Variants in TMEM64 observed in about 807,000 individuals in gnomAD.
TMEM64 encodes transmembrane protein 64.
Under a neutral mutation model 24.5 loss-of-function variants are expected in TMEM64, and 19 were observed. The ratio of observed to expected loss-of-function variants is 0.78; its 90% CI spans 0.54 to 1.14. The LOEUF is 1.14. Among genes scored for constraint, TMEM64 ranks in the 50% most tolerant of loss-of-function variants. The pLI is 0.00. For synonymous variants in TMEM64, 262 were observed against 224.7 expected, an observed-to-expected ratio of 1.17 and a Z score of -1.49; for missense variants, 487 against 493.0, an observed-to-expected ratio of 0.99 and a Z score of 0.12.
Position 90,622,292 on chromosome 8 carries a change from A to G in TMEM64, c.*3379T>C, listed in dbSNP as rs1233225274. 6.6e-6 allele frequency: 1 copy of G among 152,218 alleles called. No homozygotes were observed. Among genetic ancestry groups the G allele is most frequent in the East Asian group, 1.9e-4 (1 of 5,192 alleles). 9.4% of individuals were successfully genotyped at this position (152,218 alleles called of 1,614,324 possible). A position where few individuals can be genotyped will look rare whatever the true frequency, so the allele number is the denominator to read the frequency against. On this transcript the variant is annotated 3_prime_UTR_variant, in exon 3 of 3. Coordinates refer to ENST00000458549, the MANE Select transcript of TMEM64 (RefSeq NM_001008495.4). ...TTTTCAGATTAAAGCAATGACTTTAAAAAGATTACATCCTAAATACTTGAT... is the reference window on the plus strand; with the variant it reads ...TTTTCAGATTAAAGCAATGACTTTAGAAAGATTACATCCTAAATACTTGAT...
At chr8:90,626,793 C>G (rs1163945766) in intron 2 of TMEM64, among the ~76,000 whole-genome samples, 1 of 151,894 alleles carries the variant, frequency 6.6e-6, no homozygotes, top group Non-Finnish European at 1.5e-5. Context: ...CCACGCCTGG[C>G]TAATTTTTGT....
intron 1 of TMEM64, among the ~76,000 whole-genome samples, chr8:90,633,732 T>G (rs1809474577): frequency 6.6e-6 from 1 of 152,198 alleles, no homozygotes; most frequent in South Asian, 2.1e-4. Context: ...GGAGTAAAAA[T>G]GATGTTTCAT....
intron 1 of TMEM64, among the ~76,000 whole-genome samples, chr8:90,639,903 A>G (rs1259582926): frequency 6.6e-6 from 1 of 152,226 alleles, no homozygotes; most frequent in East Asian, 1.9e-4. Flanking sequence ...GGGTTAATAA[A>G]ACATACTCTA....
In TMEM64 at chr8:90,631,719, G is replaced by A. The variant is rs769071016; in HGVS notation, c.796-12C>T. ...GAGAGATCAGTAATCTAGAAGAGTAGATTAAAGGGAATGATTCATTACCAA... is the reference window on the plus strand; with the variant it reads ...GAGAGATCAGTAATCTAGAAGAGTAAATTAAAGGGAATGATTCATTACCAA... On this transcript the variant is annotated splice_polypyrimidine_tract_variant and intron_variant, in intron 1 of 2. Transcript: ENST00000458549. The A allele has an allele frequency of 1.9e-6, 3 of 1,601,872 alleles. No homozygotes were observed. The South Asian group carries it at 3.3e-5, about 18-fold the overall frequency.
intron 1 of TMEM64, among the ~76,000 whole-genome samples, chr8:90,643,789 A>G (rs1416822685): frequency 6.6e-6 from 1 of 152,262 alleles, no homozygotes; most frequent in African/African-American, 2.4e-5. Context: ...GACTAAGACT[A>G]TACCAAACTA....
rs1343614388 is a variant in TMEM64, at chr8:90,645,682, G to T, written c.224C>A (p.Pro75Gln). The T allele has an allele frequency of 1.3e-5, 19 of 1,481,064 alleles. 1 individual carries two copies. Among genetic ancestry groups the T allele is most frequent in the South Asian group, 2.6e-5 (2 of 75,616 alleles). 91.7% of individuals were successfully genotyped at this position (1,481,064 alleles called of 1,614,324 possible). A position where few individuals can be genotyped will look rare whatever the true frequency, so the allele number is the denominator to read the frequency against. ...LLGAYLERHG[P>Q]PEASELPEPG... is the part of the protein sequence containing the mutation. Reference sequence around the variant, plus strand: ...CTCCGGCAGCTCCGAAGCCTCGGGCGGACCGTGGCGCTCCAGATAGGCGCC... The same window carrying T: ...CTCCGGCAGCTCCGAAGCCTCGGGCTGACCGTGGCGCTCCAGATAGGCGCC... The change falls in exon 1 of 3, where the codon CCG becomes CAG. Residue 75 changes from proline to glutamine, a missense_variant. By Grantham distance (76) the Pro-to-Gln change is moderately conservative. Transcript: ENST00000458549. This position sits in a 1 kb window ranked among gnomAD's most constrained non-coding sequence, Gnocchi z 4.2.
chr8:90,625,781 T>C lies in TMEM64; in HGVS notation c.1033A>G (p.Met345Val), dbSNP rs763527986. 1 of 1,614,028 alleles carries C rather than the reference T, an allele frequency of 6.2e-7. No homozygotes were observed. The highest frequency in any genetic ancestry group is 2.2e-5 in the East Asian group (1 of 44,848). ...ELNAAIVACE[M>V]ELKSSLVKGN... The stretch of plus-strand genomic sequence containing the variant: ...TTAACCAGAGAAGATTTCAGTTCCA[T>C]TTCACAAGCTACAATAGCTGCATTC... Residue 345 changes from methionine to valine, a missense_variant, in exon 3 of 3, where the codon ATG (methionine) becomes GTG (valine). This residue lies in a region of TMEM64 where 58 missense variants were observed against 58.2 expected (regional missense o/e 1.00). Coordinates refer to ENST00000458549, the MANE Select transcript of TMEM64 (RefSeq NM_001008495.4).
At chr8:90,630,934 T>C (rs6986359) in intron 2 of TMEM64, among the ~76,000 whole-genome samples, 76,469 of 152,124 alleles carry the variant, frequency 0.5, 20,890 homozygotes, top group East Asian at 0.73. Context: ...GCAGTGTTTT[T>C]CTCTTTCATC....
intron 2 of TMEM64, among the ~76,000 whole-genome samples, chr8:90,628,728 C>A (rs11784529): frequency 0.36 from 55,412 of 151,894 alleles, 10,754 homozygotes; most frequent in East Asian, 0.72. Flanking sequence ...CATTCCTAAC[C>A]CAGAAATTCC....
chr8:90,638,204 T>C (rs1367884543), intron 1 of TMEM64, among the ~76,000 whole-genome samples: 2 of 152,132 alleles, frequency 1.3e-5, no homozygotes, highest in African/African-American at 4.8e-5. Flanking sequence ...TGCAAAGTGC[T>C]TCATGATCTG....
intron 1 of TMEM64, among the ~76,000 whole-genome samples, chr8:90,644,148 T>TTAA (rs1372970463): frequency 6.6e-6 from 1 of 152,208 alleles, no homozygotes; most frequent in Non-Finnish European, 1.5e-5. Flanking sequence ...AGCTGAAGGG[T>TTAA]TAAGTTCCTG....
At position 90,638,339 on chromosome 8, in the gene TMEM64, T is replaced by A. The variant is rs115438187; in HGVS notation, c.796-6632A>T. 8.5e-3 allele frequency among the ~76,000 whole-genome samples: 1,293 copies of A among 152,142 alleles called. 17 individuals carry two copies. The highest frequency in any genetic ancestry group is 0.029 in the African/African-American group (1,204 of 41,496). ...TTTCTACGTTGTTCCTTCTGGGGAG[T>A]ACAACAAGCACATCCTTCTTCCCAC... On this transcript the variant is annotated intron_variant, in intron 1 of 2. Transcript: ENST00000458549.
chr8:90,622,806 C>G lies in TMEM64; in HGVS notation c.*2865G>C, dbSNP rs1160994143. 3 of 152,192 alleles carry G rather than the reference C, an allele frequency of 2.0e-5. No homozygotes were observed. Among genetic ancestry groups the G allele is most frequent in the Non-Finnish European group, 4.4e-5 (3 of 68,028 alleles). 9.4% of individuals were successfully genotyped at this position (152,192 alleles called of 1,614,324 possible). ...ACCTAAAAGCATGTGTAGCTGGTTA[C>G]AAAGTGCATCAAGGGAGAGAATGGC... On this transcript the variant is annotated 3_prime_UTR_variant, in exon 3 of 3. Transcript: ENST00000458549.
At position 90,645,195 on chromosome 8, in the gene TMEM64, T is replaced by A. The variant is rs1225983356; in HGVS notation, c.711A>T (p.Val237=). The A allele has an allele frequency of 1.1e-5, 17 of 1,614,082 alleles. No homozygotes were observed. Among genetic ancestry groups the A allele is most frequent in the Non-Finnish European group, 1.4e-5 (16 of 1,180,036 alleles). ...SSEKLSAVIR[V]VEGGSGLKVV... is the part of the protein sequence containing the mutation. The stretch of plus-strand genomic sequence containing the variant: ...CTTTCAGGCCGCTTCCTCCCTCCAC[T>A]ACGCGAATAACCGCGCTCAGCTTCT... The change falls in exon 1 of 3, where the codon GTA becomes GTT. Residue 237 remains valine (V), a synonymous_variant. Coordinates refer to ENST00000458549, the MANE Select transcript of TMEM64 (RefSeq NM_001008495.4). This position sits in a 1 kb window ranked among gnomAD's most constrained non-coding sequence, Gnocchi z 4.2.
chr8:90,640,482 C>T (rs757038153), intron 1 of TMEM64, among the ~76,000 whole-genome samples: 1 of 152,100 alleles, frequency 6.6e-6, no homozygotes, highest in African/African-American at 2.4e-5. Flanking sequence ...CAAACTCTGA[C>T]CTCATCTGTA....
chr8:90,635,831 C>A (rs1161058482), intron 1 of TMEM64, among the ~76,000 whole-genome samples: 1 of 152,160 alleles, frequency 6.6e-6, no homozygotes, highest in South Asian at 2.1e-4. Context: ...AAATAAATAT[C>A]TCAGTTCAAA....
chr8:90,640,677 A>G (rs1488842175), intron 1 of TMEM64, among the ~76,000 whole-genome samples: 2 of 152,252 alleles, frequency 1.3e-5, no homozygotes, highest in Admixed American at 1.3e-4. Context: ...CAGTTCAAAT[A>G]TAAACTAAAT....
intron 2 of TMEM64, among the ~76,000 whole-genome samples, chr8:90,626,545 C>CACT (rs1293725130): frequency 1.3e-5 from 2 of 151,772 alleles, no homozygotes; most frequent in Non-Finnish European, 2.9e-5. Context: ...CTTAGCTATT[C>CACT]ACTAGTGATG....
chr8:90,627,614 T>C (rs1248285925), intron 2 of TMEM64, among the ~76,000 whole-genome samples: 1 of 151,992 alleles, frequency 6.6e-6, no homozygotes, highest in Non-Finnish European at 1.5e-5. Context: ...TAAAGACAAG[T>C]GCTGGGGAGT....
Sources: allele counts gnomAD v4.1 joint callset (sites outside exome capture counted in the v4.1 genomes callset), GRCh38; gene constraint gnomAD v4.1.1; regional missense constraint gnomAD v4.1.1; non-coding constraint Gnocchi (gnomAD v3.1); transcripts MANE v1.5; gene names NCBI Gene and HGNC (gene_info 2026-07-23, HGNC 2026-07-21).